Variants in DNM3 observed in about 807,000 individuals in gnomAD.
The protein encoded by DNM3 is dynamin 3.
DNM3 carries 47 observed loss-of-function variants against 101.6 expected under a neutral mutation model. The ratio of observed to expected loss-of-function variants is 0.46; its 90% confidence interval spans 0.37 to 0.59. The LOEUF is 0.59. Ranked by LOEUF, DNM3 falls within the 20% of genes least tolerant of loss-of-function variation. DNM3 has a pLI of 0.00. For synonymous variants in DNM3, 385 were observed against 387.9 expected (o/e 0.99, Z 0.09); for missense variants, 849 against 1,085.7 (o/e 0.78, Z 3.06).
Position 172,068,907 on chromosome 1 carries a change from T to C in DNM3, c.1422+2T>C. On this transcript the variant is annotated splice_donor_variant, in intron 11 of 20. Transcript: ENST00000627582. LOFTEE classifies it high-confidence loss of function. ...CGAGAAGGGAAGACAAAGGACCAGG[T>C]AAAGAGAGGTCTTCCCTGGTGGGCA... is the stretch of plus-strand genomic sequence containing the variant. 6.4e-7 allele frequency: 1 copy of C among 1,556,844 alleles called. No individual in the cohort carries two copies. The highest frequency in any genetic ancestry group is 8.7e-7 in the Non-Finnish European group (1 of 1,149,812).
At position 172,011,007 on chromosome 1, in the gene DNM3, T is replaced by G. The variant is rs113067874; in HGVS notation, c.590-21395T>G. On this transcript the variant is annotated intron_variant, in intron 4 of 20. Coordinates refer to ENST00000627582, the MANE Select transcript of DNM3 (RefSeq NM_015569.5). Reference sequence around the variant, plus strand: ...CTGGATATTTTGAATTTTATGGGAGTGCTGAATTCTACAATATTCCTTAAA... The same window carrying G: ...CTGGATATTTTGAATTTTATGGGAGGGCTGAATTCTACAATATTCCTTAAA... Among the ~76,000 whole-genome samples the G allele has an allele frequency of 9.6e-3, 1,456 of 151,918 alleles. 29 individuals are homozygous for G. Among genetic ancestry groups the G allele is most frequent in the African/African-American group, 0.034 (1,390 of 41,464 alleles).
chr1:171,886,104 A>C (rs1488834671), intron 1 of DNM3, among the ~76,000 whole-genome samples: 2 of 152,180 alleles, frequency 1.3e-5, no homozygotes, highest in African/African-American at 2.4e-5. Context: ...AAATTCTGGG[A>C]ATTTTGCTAA....
intron 14 of DNM3, among the ~76,000 whole-genome samples, chr1:172,202,677 C>G (rs2060193736): frequency 1.3e-5 from 2 of 152,132 alleles, no homozygotes; most frequent in Admixed American, 1.3e-4. Context: ...TCCAGATTGT[C>G]AACTGGGCGT....
At chr1:172,330,566 C>T (rs1353331056) in intron 17 of DNM3, among the ~76,000 whole-genome samples, 1 of 152,016 alleles carries the variant, frequency 6.6e-6, no homozygotes, top group Admixed American at 6.6e-5. Context: ...TAAAGAAATT[C>T]TGGTACAGAA....
chr1:171,948,382 C>T (rs2042296028), intron 2 of DNM3, among the ~76,000 whole-genome samples: 1 of 152,038 alleles, frequency 6.6e-6, no homozygotes, highest in African/African-American at 2.4e-5. Context: ...TAAGAATGAT[C>T]CAGGTTAAGA....
At chr1:172,279,865 T>C in intron 15 of DNM3, among the ~76,000 whole-genome samples, 1 of 152,174 alleles carries the variant, frequency 6.6e-6, no homozygotes, top group East Asian at 1.9e-4. Context: ...AGTTAGTGTG[T>C]TCTTCATGCA....
chr1:172,337,542 G>T (rs190127846), intron 17 of DNM3, among the ~76,000 whole-genome samples: 220 of 152,280 alleles, frequency 1.4e-3, no homozygotes, highest in African/African-American at 5.1e-3. Flanking sequence ...GAAAAACAGG[G>T]ATAAAGAAAC....
At chr1:172,126,086 T>C (rs733190) in intron 13 of DNM3, among the ~76,000 whole-genome samples, 85,630 of 151,998 alleles carry the variant, frequency 0.56, 25,177 homozygotes, top group African/African-American at 0.73. Flanking sequence ...TGCAGCTTCT[T>C]TCCCTCAATT....
In DNM3 at chr1:172,227,271, G is replaced by GATATATATATATAT. The variant is rs140087796; in HGVS notation, c.1660-26281_1660-26268dup. Among the ~76,000 whole-genome samples, 455 of 77,910 alleles carry GATATATATATATAT rather than the reference G, an allele frequency of 5.8e-3. 8 individuals are homozygous for GATATATATATATAT. The highest frequency in any genetic ancestry group is 6.9e-3 in the Non-Finnish European group (275 of 39,702). 51.1% of individuals were successfully genotyped at this position (77,910 alleles called of 152,430 possible). On this transcript the variant is annotated intron_variant, in intron 14 of 20. Transcript: ENST00000627582. ...TTTTAATGGCTGGATAGTATTTTGTGATATATATATATATATATATATATA... is the reference window on the plus strand; with the variant it reads ...TTTTAATGGCTGGATAGTATTTTGTGATATATATATATATATATATATATATATATATATATATA...
At chr1:172,074,605 T>C (rs1389309272) in intron 11 of DNM3, among the ~76,000 whole-genome samples, 1 of 152,212 alleles carries the variant, frequency 6.6e-6, no homozygotes, top group African/African-American at 2.4e-5. Context: ...CTGAGAATGA[T>C]GGTTTCCAGC....
chr1:172,220,517 G>T (rs1296140465), intron 14 of DNM3, among the ~76,000 whole-genome samples: 1 of 152,180 alleles, frequency 6.6e-6, no homozygotes, highest in East Asian at 1.9e-4. Context: ...CTGACAGGTG[G>T]TAGGGGAAGT....
chr1:171,930,999 A>T (rs575136352), intron 2 of DNM3, among the ~76,000 whole-genome samples: 11 of 152,190 alleles, frequency 7.2e-5, no homozygotes, highest in Non-Finnish European at 1.6e-4. Flanking sequence ...GTCCTGGCGC[A>T]TAAGAAGGTA....
intron 1 of DNM3, among the ~76,000 whole-genome samples, chr1:171,857,602 T>C (rs1305527566): frequency 1.3e-5 from 2 of 152,184 alleles, no homozygotes; most frequent in Admixed American, 1.3e-4. Context: ...GATGTCCTGA[T>C]GACTTATGGT....
At chr1:172,139,657 C>T (rs559102308) in intron 14 of DNM3, 1 of 152,080 alleles carries the variant, frequency 6.6e-6, no homozygotes, top group Non-Finnish European at 1.5e-5. Flanking sequence ...AGGGTACAAA[C>T]TGGAAGGCTG....
Position 171,887,453 on chromosome 1 carries a change from A to G in DNM3, c.162-34295A>G, listed in dbSNP as rs144603230. Among the ~76,000 whole-genome samples the G allele has an allele frequency of 2.5e-3, 375 of 152,292 alleles. 4 individuals carry two copies. The South Asian group carries it at 0.028, about 11-fold the overall frequency. ...CTGTATACTATTTAAAAGATTTTCC[A>G]TAGTTTTCATGGATGCATAAACTAT... On this transcript the variant is annotated intron_variant, in intron 1 of 20. Transcript: ENST00000627582.
intron 14 of DNM3, among the ~76,000 whole-genome samples, chr1:172,201,484 A>C (rs569574609): frequency 1.3e-5 from 2 of 152,306 alleles, no homozygotes; most frequent in African/African-American, 4.8e-5. Context: ...GATGCAGGTC[A>C]ACAATTGCTC....
At chr1:171,852,202 G>A (rs577730201) in intron 1 of DNM3, among the ~76,000 whole-genome samples, 2 of 152,174 alleles carry the variant, frequency 1.3e-5, no homozygotes, top group East Asian at 3.9e-4. Context: ...TTCCCCTATT[G>A]AGGTTTCTTA....
chr1:172,133,319 A>G (rs768126910), intron 14 of DNM3: 12 of 1,013,390 alleles, frequency 1.2e-5, no homozygotes, highest in Non-Finnish European at 1.3e-5. Context: ...TTACAAAATC[A>G]CTGCCCTTGT....
At chr1:171,888,767 A>G (rs1335331337) in intron 1 of DNM3, among the ~76,000 whole-genome samples, 1 of 152,168 alleles carries the variant, frequency 6.6e-6, no homozygotes, top group Non-Finnish European at 1.5e-5. Flanking sequence ...ACTAACAAAG[A>G]TATCTTGGTC....
Sources: gnomAD v4.1 joint callset for allele counts (sites outside exome capture counted in the v4.1 genomes callset) on GRCh38, gnomAD v4.1.1 for gene constraint, MANE v1.5 for transcripts, NCBI Gene and HGNC (gene_info 2026-07-23, HGNC 2026-07-21) for gene names.